Variants in KLRG2 observed in about 807,000 individuals in gnomAD.
KLRG2 encodes killer cell lectin-like receptor subfamily G member 2.
KLRG2 carries 39 observed loss-of-function variants against 35.4 expected under a neutral mutation model. That is an observed-to-expected ratio of 1.10 (90% CI 0.85 to 1.44). The LOEUF is 1.44. Ranked by LOEUF, KLRG2 falls within the 40% of genes most tolerant of loss-of-function variation. The pLI is 0.00. For synonymous variants in KLRG2, 283 were observed against 265.8 expected, an observed-to-expected ratio of 1.06 and a Z score of -0.63; for missense variants, 632 against 570.9, an observed-to-expected ratio of 1.11 and a Z score of -1.09.
intron 3 of KLRG2, among the ~76,000 whole-genome samples, chr7:139,457,671 G>A: frequency 6.6e-6 from 1 of 152,090 alleles, no homozygotes; most frequent in Non-Finnish European, 1.5e-5. Flanking sequence ...TTCTGTCAGA[G>A]CCCCAAGCTA....
chr7:139,468,380 G>T (rs183481113), intron 3 of KLRG2, among the ~76,000 whole-genome samples: 23 of 152,172 alleles, frequency 1.5e-4, no homozygotes, highest in Admixed American at 6.5e-4. Flanking sequence ...TTCAATTCCT[G>T]CCTTAACTGA....
In KLRG2 at chr7:139,454,136, C is replaced by T. The variant is rs201747189; in HGVS notation, c.1084G>A (p.Asp362Asn). 76 of 1,545,202 alleles carry T rather than the reference C, an allele frequency of 4.9e-5. No individual in the cohort carries two copies. Among genetic ancestry groups the T allele is most frequent in the Admixed American group, 3.0e-4 (15 of 50,420 alleles). The change falls in exon 4 of 5, where the codon GAC becomes AAC. Residue 362 changes from aspartate (D) to asparagine (N), a missense_variant. Physicochemically the swap from Asp to Asn is conservative, Grantham distance 23. Coordinates refer to ENST00000340940, the MANE Select transcript of KLRG2 (RefSeq NM_198508.4). ...WRGPQGWHWI[D>N]EAPLPPQLLP... is the part of the protein sequence containing the mutation. ...AGCTGGGGCGGGAGTGGGGCCTCGT[C>T]GATCCAGTGCCAGCCCTGGGGGCCT...
At chr7:139,427,579 AT>A in the KLRG2 span, among the ~76,000 whole-genome samples, 6 of 152,212 alleles carry the variant, frequency 3.9e-5, no homozygotes, top group African/African-American at 1.2e-4. Context: ...AAGAAAATAC[AT>A]TCAAATGGGC....
the KLRG2 span, among the ~76,000 whole-genome samples, chr7:139,446,532 A>G: frequency 6.7e-6 from 1 of 150,282 alleles, no homozygotes; most frequent in Non-Finnish European, 1.5e-5. Context: ...TGTATTACGG[A>G]GTTTTGCCAC....
At chr7:139,456,683 C>T (rs1292774048) in intron 3 of KLRG2, among the ~76,000 whole-genome samples, 2 of 152,158 alleles carry the variant, frequency 1.3e-5, no homozygotes, top group Admixed American at 1.3e-4. Flanking sequence ...GACAGGATCT[C>T]ACTACGTTGT....
intron 3 of KLRG2, among the ~76,000 whole-genome samples, chr7:139,460,391 G>A (rs67255009): frequency 0.15 from 22,698 of 152,218 alleles, 1,867 homozygotes; most frequent in Middle Eastern, 0.19. Context: ...CAGTTTTGGA[G>A]GCTGGGTCAG....
downstream of KLRG2, among the ~76,000 whole-genome samples, chr7:139,449,844 C>T (rs572223033): frequency 6.6e-6 from 1 of 150,972 alleles, no homozygotes; most frequent in Non-Finnish European, 1.5e-5. Flanking sequence ...GGACTACAGG[C>T]GCCCACCACC....
intron 3 of KLRG2, among the ~76,000 whole-genome samples, chr7:139,457,343 A>G (rs56005335): frequency 0.15 from 22,646 of 152,120 alleles, 1,875 homozygotes; most frequent in Middle Eastern, 0.2. Context: ...CTGTTTGGGA[A>G]GGCACACCAG....
rs780271248 is a variant in KLRG2 at position 139,480,287 on chromosome 7, C to CCATCCCAA, written c.758-48_758-41dup. ...AACAGGATAATCAGATTAGTGGAGA[C>CCATCCCAA]CATCCCAACCAACCCAACTCAGAAC... is the stretch of plus-strand genomic sequence containing the variant. On this transcript the variant is annotated intron_variant, in intron 1 of 4. Coordinates refer to ENST00000340940, the MANE Select transcript of KLRG2 (RefSeq NM_198508.4). The CCATCCCAA allele has an allele frequency of 1.2e-5, 14 of 1,150,174 alleles. No individual in the cohort carries two copies. The African/African-American group carries it at 2.1e-4, about 17-fold the overall frequency. The allele number at this position is 1,150,174 out of a possible 1,614,324, so 71.2% of individuals were successfully genotyped here. A position where few individuals can be genotyped will look rare whatever the true frequency, so the allele number is the denominator to read the frequency against.
chr7:139,451,648 A>G (rs913948060), downstream of KLRG2, among the ~76,000 whole-genome samples: 2 of 152,050 alleles, frequency 1.3e-5, no homozygotes. Context: ...AGATTCCTCT[A>G]CTGCGTGCTG....
chr7:139,465,737 TTCACTGCAA>T (rs963279811), intron 3 of KLRG2, among the ~76,000 whole-genome samples: 3 of 151,024 alleles, frequency 2.0e-5, no homozygotes, highest in African/African-American at 7.3e-5. Flanking sequence ...GCTAGAGTCA[TTCACTGCAA>T]GCAGCCATCA....
chr7:139,477,423 G>A (rs193195070), intron 3 of KLRG2, among the ~76,000 whole-genome samples: 62 of 152,260 alleles, frequency 4.1e-4, no homozygotes, highest in African/African-American at 1.5e-3. Context: ...TCTCATACAG[G>A]CTACGACACG....
Position 139,453,114 on chromosome 7 carries a change from G to C in KLRG2, c.*473C>G, listed in dbSNP as rs954460669. 2.1e-5 allele frequency: 4 copies of C among 189,214 alleles called. No homozygotes were observed. The highest frequency in any genetic ancestry group is 3.2e-5 in the Non-Finnish European group (3 of 94,130). The allele number at this position is 189,214 out of a possible 1,614,324, so 11.7% of individuals were successfully genotyped here. A position where few individuals can be genotyped will look rare whatever the true frequency, so the allele number is the denominator to read the frequency against. On this transcript the variant is annotated 3_prime_UTR_variant, in exon 5 of 5. Coordinates refer to ENST00000340940, the MANE Select transcript of KLRG2 (RefSeq NM_198508.4). Reference sequence around the variant, plus strand: ...CAGAGGCTGCCGGTAGGCTGTGTCCGATGTACACCCAGCTGCCTGAAGTAG... The same window carrying C: ...CAGAGGCTGCCGGTAGGCTGTGTCCCATGTACACCCAGCTGCCTGAAGTAG...
intron 2 of KLRG2, 32 bp downstream of exon 2, chr7:139,480,114 G>T (rs771480657): frequency 7.2e-7 from 1 of 1,394,692 alleles, no homozygotes; most frequent in Non-Finnish European, 1.0e-6. Context: ...GAGCGGCAGG[G>T]AGAGGGGATG....
the KLRG2 span, among the ~76,000 whole-genome samples, chr7:139,446,042 G>C: frequency 1.3e-5 from 2 of 150,978 alleles, no homozygotes; most frequent in African/African-American, 2.5e-5. Flanking sequence ...TGTTAGCCAG[G>C]CTGTTAGCCA....
At chr7:139,458,741 CCCT>C (rs1293205167) in intron 3 of KLRG2, among the ~76,000 whole-genome samples, 39 of 152,200 alleles carry the variant, frequency 2.6e-4, no homozygotes, top group African/African-American at 9.2e-4. Flanking sequence ...GTAGCTTCCT[CCCT>C]CCTCCACTCT....
chr7:139,444,858 A>T, the KLRG2 span, among the ~76,000 whole-genome samples: 1 of 152,228 alleles, frequency 6.6e-6, no homozygotes, highest in Non-Finnish European at 1.5e-5. Flanking sequence ...GCACATAAAT[A>T]TGCAGACAGC....
At chr7:139,432,136 G>T in the KLRG2 span, among the ~76,000 whole-genome samples, 1 of 151,966 alleles carries the variant, frequency 6.6e-6, no homozygotes, top group Non-Finnish European at 1.5e-5. Flanking sequence ...CAGGAGGATT[G>T]CTTGAGCCCA....
At chr7:139,452,038 G>A (rs112837383), downstream of KLRG2, among the ~76,000 whole-genome samples, 22 of 144,262 alleles carry the variant, frequency 1.5e-4, 1 homozygote, top group African/African-American at 4.5e-4. Flanking sequence ...GCACAATCTC[G>A]GCTCACTGCA....
Sources: gnomAD v4.1 joint callset for allele counts (sites outside exome capture counted in the v4.1 genomes callset) on GRCh38, gnomAD v4.1.1 for gene constraint, MANE v1.5 for transcripts, NCBI Gene and HGNC (gene_info 2026-07-23, HGNC 2026-07-21) for gene names.